The following BARX2 variants were observed in gnomAD, a reference collection of about 807,000 sequenced individuals.
BARX2 encodes homeobox protein BarH-like 2.
Under a neutral mutation model 25.5 loss-of-function variants are expected in BARX2, and 11 were observed. The observed-to-expected ratio is 0.43, with a 90% CI of 0.27 to 0.71. The LOEUF (loss-of-function observed/expected upper bound fraction) is 0.71, where lower values mean the gene tolerates loss of function less well. BARX2 is among the 30% of genes least tolerant of loss of function. The probability of loss-of-function intolerance (pLI) is 0.19; values close to 1 mark genes in which losing one functional copy is unlikely to be tolerated. For synonymous variants in BARX2, 137 were observed against 149.5 expected (o/e 0.92, Z 0.61); for missense variants, 360 against 359.9 (o/e 1.00, Z 0.00).
chr11:129,428,751 C>G (rs970189989), intron 1 of BARX2, among the ~76,000 whole-genome samples: 3 of 152,268 alleles, frequency 2.0e-5, no homozygotes, highest in African/African-American at 4.8e-5. Context: ...ATATCAAATA[C>G]CAAGAGCTCA....
intron 1 of BARX2, among the ~76,000 whole-genome samples, chr11:129,380,393 A>T (rs372665995): frequency 3.9e-5 from 6 of 152,228 alleles, no homozygotes; most frequent in South Asian, 4.1e-4. Context: ...AATGCGGTGC[A>T]GGTATGTATA....
intron 1 of BARX2, among the ~76,000 whole-genome samples, chr11:129,392,802 G>T (rs1052159510): frequency 6.6e-6 from 1 of 151,976 alleles, no homozygotes; most frequent in Admixed American, 6.6e-5. Context: ...GTAGAGACGG[G>T]GTCTTGTCAT....
chr11:129,429,007 G>GTT (rs57076671), intron 1 of BARX2, among the ~76,000 whole-genome samples: 65 of 130,656 alleles, frequency 5.0e-4, no homozygotes, highest in East Asian at 2.8e-3. Context: ...TAGAAGTTGT[G>GTT]TTTTTTTTTT....
intron 1 of BARX2, among the ~76,000 whole-genome samples, chr11:129,417,331 C>T (rs1416822019): frequency 6.6e-6 from 1 of 152,196 alleles, no homozygotes; most frequent in Non-Finnish European, 1.5e-5. Context: ...GACTCAGCTC[C>T]ATTCCCCAGG....
At chr11:129,415,060 A>G (rs928041899) in intron 1 of BARX2, among the ~76,000 whole-genome samples, 1 of 152,114 alleles carries the variant, frequency 6.6e-6, no homozygotes, top group African/African-American at 2.4e-5. Context: ...TTAATCTTAA[A>G]TCTTTTATTT....
At chr11:129,398,367 C>G (rs1268024115) in intron 1 of BARX2, among the ~76,000 whole-genome samples, 1 of 152,164 alleles carries the variant, frequency 6.6e-6, no homozygotes, top group Non-Finnish European at 1.5e-5. Context: ...TAATGCGCCC[C>G]TGGAGTAGCA....
At chr11:129,450,032 G>A (rs1862377670) in intron 3 of BARX2, among the ~76,000 whole-genome samples, 2 of 152,138 alleles carry the variant, frequency 1.3e-5, no homozygotes, top group African/African-American at 4.8e-5. Context: ...CACATTATCT[G>A]TTGGTCACCC....
intron 1 of BARX2, among the ~76,000 whole-genome samples, chr11:129,408,826 T>A (rs1861858182): frequency 6.6e-6 from 1 of 152,256 alleles, no homozygotes; most frequent in Non-Finnish European, 1.5e-5. Flanking sequence ...CTCTCTAGAC[T>A]GCAAGCTCCT....
At chr11:129,378,563 C>CTTTTTTTTTTTTTTTTTTTTTT (rs56804728) in intron 1 of BARX2, among the ~76,000 whole-genome samples, 1 of 111,210 alleles carries the variant, frequency 9.0e-6, no homozygotes. Flanking sequence ...TTTTCTTTTT[C>CTTTTTTTTTTTTTTTTTTTTTT]TTTTTTTTTT....
chr11:129,402,287 C>T (rs1176523686), intron 1 of BARX2, among the ~76,000 whole-genome samples: 1 of 151,212 alleles, frequency 6.6e-6, no homozygotes, highest in African/African-American at 2.4e-5. Context: ...AGCTTGGGCA[C>T]ATTGCTTAGA....
intron 1 of BARX2, among the ~76,000 whole-genome samples, chr11:129,417,817 C>A (rs536672649): frequency 6.6e-6 from 1 of 152,272 alleles, no homozygotes; most frequent in East Asian, 1.9e-4. Flanking sequence ...AGTGCCTATA[C>A]AATAAAATAT....
At position 129,385,719 on chromosome 11, in the gene BARX2, A is replaced by G. The variant is rs190381622; in HGVS notation, c.187+9497A>G. Among the ~76,000 whole-genome samples the G allele has an allele frequency of 1.6e-3, 250 of 152,342 alleles. 1 individual carries two copies. The highest frequency in any genetic ancestry group is 5.8e-3 in the African/African-American group (242 of 41,578). ...AGGCCTAATGTAAATATGGCTAAGT[A>G]TTACGATGTGAAGAAACTTGGGTCA... On this transcript the variant is annotated intron_variant, in intron 1 of 3. Coordinates refer to ENST00000281437, the MANE Select transcript of BARX2 (RefSeq NM_003658.5).
intron 1 of BARX2, among the ~76,000 whole-genome samples, chr11:129,398,208 G>A (rs61649577): frequency 0.31 from 46,469 of 152,052 alleles, 8,608 homozygotes; most frequent in East Asian, 0.53. Context: ...TGCTCCATAC[G>A]TTTATAGCTG....
intron 3 of BARX2, among the ~76,000 whole-genome samples, chr11:129,446,606 A>G (rs896329708): frequency 1.3e-5 from 2 of 152,204 alleles, no homozygotes; most frequent in Non-Finnish European, 2.9e-5. Flanking sequence ...GTCTTCAGAG[A>G]ATCCAAATAT....
At chr11:129,448,580 C>T (rs994317031) in intron 3 of BARX2, among the ~76,000 whole-genome samples, 16 of 152,184 alleles carry the variant, frequency 1.1e-4, no homozygotes, top group African/African-American at 3.9e-4. Context: ...AATGAGATAC[C>T]ACTTCCCACC....
intron 1 of BARX2, among the ~76,000 whole-genome samples, chr11:129,395,777 G>C (rs1051443452): frequency 1.3e-5 from 2 of 152,188 alleles, no homozygotes; most frequent in African/African-American, 4.8e-5. Flanking sequence ...TAGGAAGGCA[G>C]CAGGACTTGG....
At chr11:129,424,546 G>T (rs1862042917) in intron 1 of BARX2, among the ~76,000 whole-genome samples, 1 of 148,720 alleles carries the variant, frequency 6.7e-6, no homozygotes, top group Admixed American at 6.8e-5. Flanking sequence ...TCTTTTCACA[G>T]CTCACCCTGT....
At chr11:129,440,366 C>G (rs990724065) in intron 2 of BARX2, among the ~76,000 whole-genome samples, 2 of 152,210 alleles carry the variant, frequency 1.3e-5, no homozygotes, top group African/African-American at 4.8e-5. Flanking sequence ...ACCTGATGGC[C>G]TCAGGTGAAC....
At chr11:129,429,150 CTATAAAT>C (rs1376419505) in intron 1 of BARX2, among the ~76,000 whole-genome samples, 2 of 152,020 alleles carry the variant, frequency 1.3e-5, no homozygotes, top group Non-Finnish European at 2.9e-5. Context: ...AGAATCATTT[CTATAAAT>C]TAATCTATAA....
Sources: allele counts gnomAD v4.1 joint callset (sites outside exome capture counted in the v4.1 genomes callset), GRCh38; gene constraint gnomAD v4.1.1; transcripts MANE v1.5; gene names NCBI Gene and HGNC (gene_info 2026-07-23, HGNC 2026-07-21).